MED4: variants seen among roughly 807,000 people sequenced by gnomAD.
The protein encoded by MED4 is mediator complex subunit 4, also known as mediator of RNA polymerase II transcription subunit 4.
In MED4, 21 loss-of-function variants were observed where a neutral mutation model predicts 35.0. That is an observed-to-expected ratio of 0.60 (90% CI 0.43 to 0.86). The LOEUF is 0.86. Ranked by LOEUF, MED4 falls within the 40% of genes least tolerant of loss-of-function variation. The probability of loss-of-function intolerance (pLI) is 0.00; values close to 1 mark genes in which losing one functional copy is unlikely to be tolerated. For missense variants in MED4, 300 were observed against 319.4 expected, an observed-to-expected ratio of 0.94 and a Z score of 0.46; for synonymous variants, 138 against 114.0, an observed-to-expected ratio of 1.21 and a Z score of -1.34.
chr13:48,081,529 A>G, intron 5 of MED4, 116 bp downstream of exon 5: 1 of 565,926 alleles, frequency 1.8e-6, no homozygotes, highest in Non-Finnish European at 2.8e-6. Flanking sequence ...ATGTGAAAAT[A>G]TGTGGCAGAG....
In MED4 at chr13:48,095,082, C is replaced by T. The variant is rs756111809; in HGVS notation, c.-4G>A. The stretch of plus-strand genomic sequence containing the variant: ...CACCACTCGAAGACGCAGCCATTTT[C>T]CCCAGAGTCCCGCCACCGGCGCACG... On this transcript the variant is annotated 5_prime_UTR_variant, in exon 1 of 7. Transcript: ENST00000258648. 1.7e-5 allele frequency: 28 copies of T among 1,602,116 alleles called. No individual in the cohort carries two copies. The South Asian group carries it at 2.6e-4, about 15-fold the overall frequency.
intron 1 of MED4, 91 bp from the exon 2 acceptor site, chr13:48,090,509 C>G: frequency 1.1e-6 from 1 of 924,700 alleles, no homozygotes; most frequent in Non-Finnish European, 1.6e-6. Context: ...TGACTGTGAA[C>G]TACAGCTCAC....
At chr13:48,087,516 G>A (rs1950859597) in intron 2 of MED4, among the ~76,000 whole-genome samples, 1 of 151,882 alleles carries the variant, frequency 6.6e-6, no homozygotes, top group Non-Finnish European at 1.5e-5. Flanking sequence ...GAAACTCTGA[G>A]TTTATGCACA....
rs926514285 is a variant in MED4 at position 48,086,593 on chromosome 13, A to G, written c.193-141T>C. 3.2e-5 allele frequency: 22 copies of G among 679,958 alleles called. No homozygotes were observed. The East Asian group carries it at 6.3e-4, about 19-fold the overall frequency. The allele number at this position is 679,958 out of a possible 1,614,324, so 42.1% of individuals were successfully genotyped here. A position where few individuals can be genotyped will look rare whatever the true frequency, so the allele number is the denominator to read the frequency against. ...TTTATTCCTAATTCTTGTTAAGAAT[A>G]AAAAGAGCCTACCTATGATTATTTT... is the stretch of plus-strand genomic sequence containing the variant. On this transcript the variant is annotated intron_variant, in intron 2 of 6. Coordinates refer to ENST00000258648, the MANE Select transcript of MED4 (RefSeq NM_014166.4).
At chr13:48,089,233 T>C (rs777588322) in intron 2 of MED4, among the ~76,000 whole-genome samples, 2 of 152,206 alleles carry the variant, frequency 1.3e-5, no homozygotes, top group Non-Finnish European at 2.9e-5. Flanking sequence ...GGTTAGCTGT[T>C]TCTCCTAGCT....
At chr13:48,087,289 C>A (rs114263460) in intron 2 of MED4, among the ~76,000 whole-genome samples, 1 of 151,868 alleles carries the variant, frequency 6.6e-6, no homozygotes, top group Non-Finnish European at 1.5e-5. Context: ...CGCTTGAACC[C>A]GGAGGCAGAG....
chr13:48,077,274 G>A lies in MED4; in HGVS notation c.678C>T (p.Asp226=). The change falls in exon 7 of 7, where the codon GAC becomes GAT. Residue 226 remains aspartate, a synonymous_variant. Transcript: ENST00000258648. ...TTGGTGGTAACATATTCATCGACAT[G>A]TCATTTGACTGCCATGGATACTGTG... The part of the protein sequence containing the change: ...LAPQYPWQSN[D]MSMNMLPPNH... 6.4e-7 allele frequency: 1 copy of A among 1,563,778 alleles called. No individual in the cohort carries two copies. Among genetic ancestry groups the A allele is most frequent in the Non-Finnish European group, 8.6e-7 (1 of 1,160,276 alleles).
At chr13:48,086,541 G>T in intron 2 of MED4, 89 bp from the exon 3 acceptor site, 2 of 1,211,368 alleles carry the variant, frequency 1.7e-6, no homozygotes, top group South Asian at 1.5e-5. Flanking sequence ...GAATTGGCTA[G>T]GCTATAAATT....
Position 48,084,480 on chromosome 13 carries a change from G to T in MED4, c.364-1052C>A, listed in dbSNP as rs138482855. On this transcript the variant is annotated intron_variant, in intron 3 of 6. Transcript: ENST00000258648. The stretch of plus-strand genomic sequence containing the variant: ...CCTGGTGCCTAAGTGCTCAATCAAT[G>T]TTAGTTACTACTATTTAAGTCATGA... 2.2e-3 allele frequency among the ~76,000 whole-genome samples: 332 copies of T among 152,298 alleles called. 2 individuals carry two copies. The highest frequency in any genetic ancestry group is 7.6e-3 in the African/African-American group (317 of 41,552).
At chr13:48,089,748 TCAAAAAAGAAAAAACTGTGCCAAAAA>T (rs1340524368) in intron 2 of MED4, among the ~76,000 whole-genome samples, 2 of 152,000 alleles carry the variant, frequency 1.3e-5, no homozygotes, top group Non-Finnish European at 2.9e-5. Context: ...AGAACTTGTC[TCAAAAAAGAAAAAACTGTGCCAAAAA>T]CATAATATAA....
intron 6 of MED4, 155 bp downstream of exon 6, chr13:48,079,689 C>G (rs1950789591): frequency 3.7e-6 from 3 of 818,694 alleles, no homozygotes; most frequent in Admixed American, 3.1e-5. Context: ...CGCCAACACG[C>G]TCCAGCCTGG....
Position 48,079,909 on chromosome 13 carries a change from T to C in MED4, c.575A>G (p.Asn192Ser), listed in dbSNP as rs747906237. The C allele has an allele frequency of 9.9e-6, 16 of 1,613,976 alleles. No homozygotes were observed. Among genetic ancestry groups the C allele is most frequent in the Non-Finnish European group, 1.2e-5 (14 of 1,179,896 alleles). ...MRSGLLGQMN[N>S]PSTNGVNGHL... ...GCCATTCACGCCATTAGTGGAAGGA[T>C]TGTTCATCTGACCCAGTAACCCACT... The change falls in exon 6 of 7, where the codon AAT (asparagine) becomes AGT (serine). Residue 192 changes from asparagine (N) to serine (S), a missense_variant. Physicochemically the swap from Asn to Ser is conservative, Grantham distance 46. Coordinates refer to ENST00000258648, the MANE Select transcript of MED4 (RefSeq NM_014166.4).
At chr13:48,092,845 G>A (rs1019376307) in intron 1 of MED4, among the ~76,000 whole-genome samples, 2 of 152,226 alleles carry the variant, frequency 1.3e-5, no homozygotes, top group Admixed American at 6.5e-5. Flanking sequence ...GGTAGGAGAT[G>A]TGGGATAAGC....
In MED4 at chr13:48,080,267, C is replaced by T. The variant is rs942116693; in HGVS notation, c.509-292G>A. Among the ~76,000 whole-genome samples the T allele has an allele frequency of 4.0e-5, 6 of 150,742 alleles. No individual in the cohort carries two copies. In the South Asian group the frequency reaches 6.3e-4, roughly 16 times the overall value. On this transcript the variant is annotated intron_variant, in intron 5 of 6. Coordinates refer to ENST00000258648, the MANE Select transcript of MED4 (RefSeq NM_014166.4). ...AGAAAATTAGTCAGGCGTGGTGGCA[C>T]GCACCTATAATCCCAGCTACTCGGG... is the stretch of plus-strand genomic sequence containing the variant.
Position 48,077,323 on chromosome 13 carries a change from A to T in MED4, c.641-12T>A, listed in dbSNP as rs375247470. 5 of 1,462,498 alleles carry T rather than the reference A, an allele frequency of 3.4e-6. No homozygotes were observed. The highest frequency in any genetic ancestry group is 4.5e-6 in the Non-Finnish European group (5 of 1,109,252). 90.6% of individuals were successfully genotyped at this position (1,462,498 alleles called of 1,614,324 possible). A position where few individuals can be genotyped will look rare whatever the true frequency, so the allele number is the denominator to read the frequency against. On this transcript the variant is annotated splice_polypyrimidine_tract_variant and intron_variant, in intron 6 of 6. Coordinates refer to ENST00000258648, the MANE Select transcript of MED4 (RefSeq NM_014166.4). Reference sequence around the variant, plus strand: ...TGGAGCAAGGACATCTGGAGAAAAAAAGAAGCATAGATAAGAACAGCTCTA... The same window carrying T: ...TGGAGCAAGGACATCTGGAGAAAAATAGAAGCATAGATAAGAACAGCTCTA...
chr13:48,077,241 A>G lies in MED4; in HGVS notation c.711T>C (p.Ser237=), dbSNP rs1259544411. 2 of 1,596,540 alleles carry G rather than the reference A, an allele frequency of 1.3e-6. No individual in the cohort carries two copies. The highest frequency in any genetic ancestry group is 1.7e-6 in the Non-Finnish European group (2 of 1,173,890). ...MSMNMLPPNH[S]SDFLLEPPGH... ...CAGGAGGTTCCAACAAAAAGTCACT[A>G]CTATGATTTGGTGGTAACATATTCA... is the stretch of plus-strand genomic sequence containing the variant. The change falls in exon 7 of 7, where the codon AGT becomes AGC. Residue 237 remains serine (S), a synonymous_variant. Transcript: ENST00000258648.
intron 1 of MED4, among the ~76,000 whole-genome samples, chr13:48,091,578 T>A (rs9567993): frequency 0.13 from 19,135 of 152,190 alleles, 1,566 homozygotes; most frequent in East Asian, 0.23. Context: ...TATTTATGAA[T>A]TAATCAATGA....
intron 1 of MED4, among the ~76,000 whole-genome samples, chr13:48,093,183 G>A (rs1432911727): frequency 3.9e-5 from 6 of 152,116 alleles, no homozygotes; most frequent in Non-Finnish European, 8.8e-5. Flanking sequence ...CAGGTAAACA[G>A]AATTAACAGG....
intron 2 of MED4, among the ~76,000 whole-genome samples, chr13:48,087,598 T>C (rs892720655): frequency 1.3e-4 from 20 of 152,192 alleles, no homozygotes; most frequent in Non-Finnish European, 2.2e-4. Context: ...ATGCCTGTAA[T>C]CCCAGCACTT....
Sources: allele counts gnomAD v4.1 joint callset (sites outside exome capture counted in the v4.1 genomes callset), GRCh38; gene constraint gnomAD v4.1.1; transcripts MANE v1.5; gene names NCBI Gene and HGNC (gene_info 2026-07-23, HGNC 2026-07-21).